MGAM: variants seen among roughly 807,000 people sequenced by gnomAD.
MGAM encodes maltase-glucoamylase, also known as alpha-1,4-glucosidase.
A neutral mutation model predicts 358.8 loss-of-function variants in MGAM; 253 were observed. The observed-to-expected ratio is 0.71, with a 90% CI of 0.64 to 0.78. The LOEUF is 0.78. Among genes scored for constraint, MGAM ranks in the 30% least tolerant of loss-of-function variants. The probability of loss-of-function intolerance (pLI) is 0.00; values close to 1 mark genes in which losing one functional copy is unlikely to be tolerated. For missense variants in MGAM, 3,080 were observed against 3,432.6 expected, an observed-to-expected ratio of 0.90 and a Z score of 2.57; for synonymous variants, 1,105 against 1,227.1, an observed-to-expected ratio of 0.90 and a Z score of 2.08.
chr7:142,076,507 G>A, intron 46 of MGAM, 152 bp from the exon 47 acceptor site: 1 of 885,714 alleles, frequency 1.1e-6, no homozygotes, highest in East Asian at 2.5e-5. Flanking sequence ...TCAAACTAAT[G>A]TTGTACTTCT....
intron 3 of MGAM, among the ~76,000 whole-genome samples, chr7:142,017,267 T>C (rs1381620639): frequency 1.3e-5 from 2 of 152,242 alleles, no homozygotes; most frequent in Non-Finnish European, 2.9e-5. Context: ...TTAATTCTCA[T>C]ATCCAACTTA....
rs1456733402 is a variant in MGAM at position 142,090,906 on chromosome 7, G to A, written c.6811-1007G>A. 1.4e-5 allele frequency among the ~76,000 whole-genome samples: 2 copies of A among 146,162 alleles called. 1 individual carries two copies. Among genetic ancestry groups the A allele is most frequent in the Non-Finnish European group, 3.1e-5 (2 of 64,606 alleles). On this transcript the variant is annotated intron_variant, in intron 57 of 70. Transcript: ENST00000475668. ...TGCAAAATATAAATGTCACTCAGAT[G>A]AATATAAAACAAGCTTCTTGCTCTC...
Position 142,070,727 on chromosome 7 carries a change from G to T in MGAM, c.5062-267G>T, listed in dbSNP as rs114145715. On this transcript the variant is annotated intron_variant, in intron 43 of 70. Coordinates refer to ENST00000475668, the MANE Select transcript of MGAM (RefSeq NM_001365693.1). ...GTCCCTTAGGTTCTGATACAGGTGA[G>T]AGTGTAGCAGTTCTTCCTGTTACAC... 1.7e-3 allele frequency among the ~76,000 whole-genome samples: 250 copies of T among 146,344 alleles called. 6 individuals carry two copies. The highest frequency in any genetic ancestry group is 6.0e-3 in the African/African-American group (248 of 41,256).
intron 16 of MGAM, among the ~76,000 whole-genome samples, chr7:142,035,867 A>G (rs943336005): frequency 9.9e-5 from 15 of 152,206 alleles, no homozygotes; most frequent in African/African-American, 3.6e-4. Flanking sequence ...GGTACTATGC[A>G]TCCAAAAGCT....
chr7:142,105,985 A>G lies in MGAM; in HGVS notation c.*94A>G. On this transcript the variant is annotated 3_prime_UTR_variant, in exon 71 of 71. Transcript: ENST00000475668. ...ATTATTGTGTGTTGCTAATTTGTTCATACCCACTATTGGTGAAATATTTCT... is the reference window on the plus strand; with the variant it reads ...ATTATTGTGTGTTGCTAATTTGTTCGTACCCACTATTGGTGAAATATTTCT... 1 of 953,532 alleles carries G rather than the reference A, an allele frequency of 1.0e-6. No homozygotes were observed. Among genetic ancestry groups the G allele is most frequent in the South Asian group, 1.4e-5 (1 of 71,884 alleles). The allele number at this position is 953,532 out of a possible 1,614,324, so 59.1% of individuals were successfully genotyped here.
intron 1 of MGAM, among the ~76,000 whole-genome samples, chr7:142,001,279 A>G (rs1804712054): frequency 6.6e-6 from 1 of 152,200 alleles, no homozygotes. Context: ...TTTGCATAGT[A>G]AGAGGGCATT....
At chr7:142,037,299 C>T (rs1249291825) in intron 18 of MGAM, among the ~76,000 whole-genome samples, 1 of 152,122 alleles carries the variant, frequency 6.6e-6, no homozygotes, top group Non-Finnish European at 1.5e-5. Context: ...TTAGTTTCTT[C>T]AGTCTTAATT....
chr7:142,043,801 C>T (rs1383945181), intron 21 of MGAM, among the ~76,000 whole-genome samples: 1 of 94,658 alleles, frequency 1.1e-5, no homozygotes, highest in South Asian at 3.3e-4. Flanking sequence ...ATAATATATA[C>T]ATTATATACA....
In MGAM at chr7:142,103,322, T is replaced by C. The variant is rs1323652996; in HGVS notation, c.8067T>C (p.Pro2689=). ...IFNNYITGTN[P]LKLGYIEIWG... is the part of the protein sequence containing the mutation. ...ACAATTACATCACTGGTACAAATCC[T>C]TTGAAACTGGGCTACATTGAAATCT... The change falls in exon 70 of 71, where the codon CCT becomes CCC. Residue 2689 remains proline (P), a synonymous_variant. Coordinates refer to ENST00000475668, the MANE Select transcript of MGAM (RefSeq NM_001365693.1). 1 of 1,613,062 alleles carries C rather than the reference T, an allele frequency of 6.2e-7. No individual in the cohort carries two copies. The highest frequency in any genetic ancestry group is 2.2e-5 in the East Asian group (1 of 44,856).
Position 142,040,117 on chromosome 7 carries a change from T to G in MGAM, c.2319T>G (p.Gly773=). The G allele has an allele frequency of 6.2e-7, 1 of 1,610,896 alleles. No individual in the cohort carries two copies. The highest frequency in any genetic ancestry group is 8.5e-7 in the Non-Finnish European group (1 of 1,177,826). ...ACACTACATTTTTTTAATTTCAGGG[T>G]GCAGAGAAAGTGATGGCATATGTGC... is the stretch of plus-strand genomic sequence containing the variant. ...GLLITPVLDE[G]AEKVMAYVPD... The change falls in exon 20 of 71, where the codon GGT becomes GGG. Residue 773 remains glycine (G), a splice_region_variant and synonymous_variant. Transcript: ENST00000475668.
At chr7:142,068,818 T>G (rs1813076296) in intron 43 of MGAM, 115 bp downstream of exon 43, 1 of 906,020 alleles carries the variant, frequency 1.1e-6, no homozygotes, top group East Asian at 2.7e-5. Flanking sequence ...CTGTGTGGTC[T>G]TAGAGAAGCC....
rs201238988 is a variant in MGAM, at chr7:142,040,754, C to T, written c.2406C>T (p.Val802=). 93 of 1,613,014 alleles carry T rather than the reference C, an allele frequency of 5.8e-5. No individual in the cohort carries two copies. Among genetic ancestry groups the T allele is most frequent in the Middle Eastern group, 1.6e-4 (1 of 6,072 alleles). ...AAGTGAGATGGAGGAAGCAAAAAGT[C>T]GAGATGGAACTTCCTGGAGACAAAA... ...GSQVRWRKQK[V]EMELPGDKIG... Residue 802 remains valine (V), a synonymous_variant, in exon 21 of 71, where the codon GTC becomes GTT. Transcript: ENST00000475668.
intron 49 of MGAM, among the ~76,000 whole-genome samples, chr7:142,080,370 A>C (rs1814148004): frequency 6.8e-6 from 1 of 146,564 alleles, no homozygotes; most frequent in African/African-American, 2.4e-5. Flanking sequence ...GAATCAGTTT[A>C]GATACCACCT....
chr7:142,084,243 A>G (rs956115426), intron 53 of MGAM, among the ~76,000 whole-genome samples: 2 of 145,810 alleles, frequency 1.4e-5, no homozygotes, highest in African/African-American at 4.9e-5. Context: ...TAAGCCAGGC[A>G]TTTTGCCTCT....
intron 21 of MGAM, 150 bp from the exon 22 acceptor site, chr7:142,047,635 G>A (rs536232469): frequency 1.0e-5 from 7 of 693,314 alleles, no homozygotes; most frequent in African/African-American, 3.6e-5. Flanking sequence ...AGATAGGGGC[G>A]CCTGTCAATT....
chr7:142,040,433 A>G (rs561898052), intron 20 of MGAM: 1 of 581,744 alleles, frequency 1.7e-6, no homozygotes, highest in African/African-American at 1.9e-5. Flanking sequence ...TATTGGAGGA[A>G]CTGATGGACA....
chr7:142,027,720 A>G lies in MGAM; in HGVS notation c.1206A>G (p.Ala402=). Residue 402 remains alanine, a synonymous_variant, in exon 10 of 71, where the codon GCA becomes GCG. Transcript: ENST00000475668. ...NMREVVERNR[A]AQLPYDVQHA... ...GGGAAGTCGTGGAGAGAAATCGCGC[A>G]GCACAGCTCCCTTATGTAAGCAAGG... The G allele has an allele frequency of 1.2e-6, 2 of 1,610,782 alleles. No homozygotes were observed. The highest frequency in any genetic ancestry group is 1.3e-5 in the African/African-American group (1 of 75,032).
Position 142,103,432 on chromosome 7 carries a change from C to T in MGAM, c.8177C>T (p.Thr2726Met), listed in dbSNP as rs538845634. ...VITPSFNNDPTTQVLSIDVTD... is the reference protein window; with the variant it reads ...VITPSFNNDPMTQVLSIDVTD... The stretch of plus-strand genomic sequence containing the variant: ...ACACCCTCCTTCAACAATGACCCCA[C>T]GACACAGGTTTGTGACCAGCAAAAA... Residue 2726 changes from threonine (T) to methionine (M), a missense_variant, in exon 70 of 71, where the codon ACG becomes ATG. Physicochemically the swap from Thr to Met is moderately conservative, Grantham distance 81. Around this residue, in one of 5 missense-constraint regions of MGAM, gnomAD observed 194 missense variants for 172.8 expected, o/e 1.12. Transcript: ENST00000475668. The T allele has an allele frequency of 5.6e-5, 89 of 1,602,872 alleles. 1 individual carries two copies. The highest frequency in any genetic ancestry group is 2.7e-4 in the South Asian group (24 of 88,988).
At chr7:142,079,081 C>A in intron 49 of MGAM, 73 bp downstream of exon 49, 1 of 1,282,878 alleles carries the variant, frequency 7.8e-7, no homozygotes, top group Non-Finnish European at 1.1e-6. Flanking sequence ...GTTCAGGTCA[C>A]ACAACCCTAA....
Sources: gnomAD v4.1 joint callset for allele counts (sites outside exome capture counted in the v4.1 genomes callset) on GRCh38, gnomAD v4.1.1 for gene constraint, gnomAD v4.1.1 regional missense constraint, MANE v1.5 for transcripts, NCBI Gene and HGNC (gene_info 2026-07-23, HGNC 2026-07-21) for gene names.